The following ITGA9 variants were observed in gnomAD, a reference collection of about 807,000 sequenced individuals.
ITGA9 encodes the protein integrin alpha-9.
Under a neutral mutation model 127.8 loss-of-function variants are expected in ITGA9, and 56 were observed. The ratio of observed to expected loss-of-function variants is 0.44; its 90% CI spans 0.35 to 0.55. The LOEUF (loss-of-function observed/expected upper bound fraction) is 0.55, where lower values mean the gene tolerates loss of function less well. ITGA9 is among the 20% of genes least tolerant of loss of function. ITGA9 has a pLI of 0.00. For missense variants in ITGA9, 1,196 were observed against 1,347.1 expected, an observed-to-expected ratio of 0.89 and a Z score of 1.76; for synonymous variants, 508 against 514.5, an observed-to-expected ratio of 0.99 and a Z score of 0.17.
rs149603743 is a variant in ITGA9 at position 37,517,764 on chromosome 3, A to G, written c.1141+155A>G. Among the ~76,000 whole-genome samples the G allele has an allele frequency of 7.6e-3, 1,158 of 152,326 alleles. 7 individuals carry two copies. The highest frequency in any genetic ancestry group is 0.014 in the Middle Eastern group (4 of 294). On this transcript the variant is annotated intron_variant, in intron 10 of 27. Transcript: ENST00000264741. ...GCCCATCAATGTGCTGTGGGGAGAT[A>G]GGACACGTTTAGAGGTGCTCTCCCT... is the stretch of plus-strand genomic sequence containing the variant.
intron 6 of ITGA9, among the ~76,000 whole-genome samples, chr3:37,505,561 A>G (rs1698831485): frequency 6.6e-6 from 1 of 152,168 alleles, no homozygotes; most frequent in South Asian, 2.1e-4. Flanking sequence ...TGTGGGGCAT[A>G]TTGACTGGGA....
intron 17 of ITGA9, among the ~76,000 whole-genome samples, chr3:37,664,860 A>G (rs1700570918): frequency 6.6e-6 from 1 of 152,158 alleles, no homozygotes; most frequent in South Asian, 2.1e-4. Context: ...GGAACTCATC[A>G]GAAACCTGGA....
At position 37,506,103 on chromosome 3, in the gene ITGA9, T is replaced by A. The variant is rs749182795; in HGVS notation, c.828+18T>A. ...TCGGCAAGGTGAGGAGAAACATCTG[T>A]GGAATAGCTGGGGTCAGACAGAAGA... On this transcript the variant is annotated intron_variant, in intron 7 of 27. Coordinates refer to ENST00000264741, the MANE Select transcript of ITGA9 (RefSeq NM_002207.3). The A allele has an allele frequency of 2.6e-6, 4 of 1,558,412 alleles. No homozygotes were observed. In the East Asian group the frequency reaches 9.0e-5, roughly 35 times the overall value.
At position 37,513,872 on chromosome 3, in the gene ITGA9, A is replaced by G. The variant is rs1559525426; in HGVS notation, c.1007A>G (p.Gln336Arg). The change falls in exon 9 of 28, where the codon CAG (glutamine) becomes CGG (arginine). Residue 336 changes from glutamine (Q) to arginine (R), a missense_variant. Transcript: ENST00000264741. ...TTTTCTGAGATCAGGGATGAGGGACAGGTCACTGTCTACATCAACAGAGGA... is the reference window on the plus strand; with the variant it reads ...TTTTCTGAGATCAGGGATGAGGGACGGGTCACTGTCTACATCAACAGAGGA... ...PMFSEIRDEG[Q>R]VTVYINRGNG... is the part of the protein sequence containing the mutation. 6.2e-7 allele frequency: 1 copy of G among 1,613,702 alleles called. No individual in the cohort carries two copies. Among genetic ancestry groups the G allele is most frequent in the East Asian group, 2.2e-5 (1 of 44,884 alleles).
At chr3:37,816,085 C>A (rs1043214976) in intron 27 of ITGA9, among the ~76,000 whole-genome samples, 7 of 152,132 alleles carry the variant, frequency 4.6e-5, no homozygotes, top group African/African-American at 7.2e-5. Flanking sequence ...AGTGGAGAAT[C>A]AAGGCTGGGA....
chr3:37,620,858 C>G (rs141914237), intron 15 of ITGA9, among the ~76,000 whole-genome samples: 271 of 152,306 alleles, frequency 1.8e-3, no homozygotes, highest in African/African-American at 6.1e-3. Flanking sequence ...TGTAAGGGCA[C>G]CTTCTCTGCA....
At chr3:37,766,551 T>C (rs1696782212) in intron 23 of ITGA9, among the ~76,000 whole-genome samples, 1 of 152,184 alleles carries the variant, frequency 6.6e-6, no homozygotes, top group Admixed American at 6.5e-5. Flanking sequence ...TAAAGCAATA[T>C]ATGCAGGAAA....
At chr3:37,539,744 A>G (rs1699247573) in intron 14 of ITGA9, among the ~76,000 whole-genome samples, 1 of 152,204 alleles carries the variant, frequency 6.6e-6, no homozygotes, top group Admixed American at 6.5e-5. Flanking sequence ...AGCCAAGTTG[A>G]CACATAAAAT....
At chr3:37,715,191 G>A (rs1009248536) in intron 18 of ITGA9, among the ~76,000 whole-genome samples, 3 of 152,154 alleles carry the variant, frequency 2.0e-5, no homozygotes, top group African/African-American at 7.2e-5. Context: ...ACAACTGTAG[G>A]TGACAGAGCA....
chr3:37,612,350 T>A (rs1700031132), intron 15 of ITGA9, among the ~76,000 whole-genome samples: 1 of 152,208 alleles, frequency 6.6e-6, no homozygotes, highest in South Asian at 2.1e-4. Flanking sequence ...AAAGACCACT[T>A]TATGATATAA....
At chr3:37,453,290 G>A (rs918996385) in intron 1 of ITGA9, among the ~76,000 whole-genome samples, 13 of 152,228 alleles carry the variant, frequency 8.5e-5, no homozygotes, top group African/African-American at 3.1e-4. Flanking sequence ...TCGACCCGGA[G>A]ACCTTCACCA....
chr3:37,587,529 C>T (rs1469422393), intron 15 of ITGA9, among the ~76,000 whole-genome samples: 1 of 152,070 alleles, frequency 6.6e-6, no homozygotes, highest in Non-Finnish European at 1.5e-5. Flanking sequence ...AAGAACCCAC[C>T]CACCCATTCA....
chr3:37,610,530 T>G (rs1700006105), intron 15 of ITGA9, among the ~76,000 whole-genome samples: 1 of 152,178 alleles, frequency 6.6e-6, no homozygotes, highest in Non-Finnish European at 1.5e-5. Context: ...GGGATCATAT[T>G]GGCAAACTCT....
chr3:37,696,685 C>G (rs1700888236), intron 18 of ITGA9, among the ~76,000 whole-genome samples: 1 of 152,290 alleles, frequency 6.6e-6, no homozygotes, highest in Admixed American at 6.5e-5. Context: ...TTCAACCAGC[C>G]CAGCATAGTT....
In ITGA9 at chr3:37,820,081, C is replaced by A. The variant is rs1437245090; in HGVS notation, c.*1092C>A. Reference sequence around the variant, plus strand: ...TTAGATTGGGTTCCCAAGAAGCAGTCCCTGAAACAAGGATTTGTGTGCAAG... The same window carrying A: ...TTAGATTGGGTTCCCAAGAAGCAGTACCTGAAACAAGGATTTGTGTGCAAG... On this transcript the variant is annotated 3_prime_UTR_variant, in exon 28 of 28. Transcript: ENST00000264741. The A allele has an allele frequency of 6.6e-6, 1 of 152,176 alleles. No individual in the cohort carries two copies. Among genetic ancestry groups the A allele is most frequent in the African/African-American group, 2.4e-5 (1 of 41,434 alleles). The allele number at this position is 152,176 out of a possible 1,614,324, so 9.4% of individuals were successfully genotyped here. A position where few individuals can be genotyped will look rare whatever the true frequency, so the allele number is the denominator to read the frequency against.
chr3:37,520,939 GC>G (rs1046831612), intron 11 of ITGA9, among the ~76,000 whole-genome samples: 8 of 152,180 alleles, frequency 5.3e-5, no homozygotes, highest in Non-Finnish European at 1.0e-4. Flanking sequence ...CTCCTCCGGG[GC>G]CCTCCCAGTG....
chr3:37,765,756 G>C (rs942155415), intron 23 of ITGA9, among the ~76,000 whole-genome samples: 1 of 152,186 alleles, frequency 6.6e-6, no homozygotes, highest in Non-Finnish European at 1.5e-5. Context: ...TGTCCGTACA[G>C]AGTGTGGTTC....
intron 1 of ITGA9, among the ~76,000 whole-genome samples, chr3:37,453,593 G>A (rs980295917): frequency 3.3e-5 from 5 of 152,192 alleles, no homozygotes; most frequent in Non-Finnish European, 7.3e-5. Context: ...CCTCATGGGG[G>A]CCCAGGTGAC....
At chr3:37,685,573 T>G (rs1475637248) in intron 18 of ITGA9, among the ~76,000 whole-genome samples, 3 of 152,124 alleles carry the variant, frequency 2.0e-5, no homozygotes, top group East Asian at 3.9e-4. Context: ...GGTTGGTAGG[T>G]GGGGGAAAGG....
Sources: gnomAD v4.1 joint callset for allele counts (sites outside exome capture counted in the v4.1 genomes callset) on GRCh38, gnomAD v4.1.1 for gene constraint, MANE v1.5 for transcripts, NCBI Gene and HGNC (gene_info 2026-07-23, HGNC 2026-07-21) for gene names.